BOC: variants seen among roughly 807,000 people sequenced by gnomAD.
BOC encodes the protein brother of CDO.
A neutral mutation model predicts 112.0 loss-of-function variants in BOC; 76 were observed. The observed-to-expected ratio is 0.68, with a 90% CI of 0.56 to 0.82. The LOEUF is 0.82. Ranked by LOEUF, BOC falls within the 40% of genes least tolerant of loss-of-function variation. BOC has a pLI of 0.00. For synonymous variants in BOC, 580 were observed against 599.8 expected (o/e 0.97, Z 0.48); for missense variants, 1,309 against 1,511.7 (o/e 0.87, Z 2.22).
intron 4 of BOC, among the ~76,000 whole-genome samples, chr3:113,259,641 G>A (rs918937980): frequency 1.3e-5 from 2 of 152,116 alleles, no homozygotes; most frequent in African/African-American, 4.8e-5. Context: ...TTGGAGTCTG[G>A]TAATAATCTT....
chr3:113,257,986 G>A (rs138911051), intron 4 of BOC, among the ~76,000 whole-genome samples: 3 of 152,214 alleles, frequency 2.0e-5, no homozygotes, highest in Non-Finnish European at 4.4e-5. Flanking sequence ...AATGGAGAAG[G>A]TGGACTTTGT....
intron 4 of BOC, among the ~76,000 whole-genome samples, chr3:113,263,052 A>C (rs1947065435): frequency 6.6e-6 from 1 of 152,262 alleles, no homozygotes; most frequent in South Asian, 2.1e-4. Flanking sequence ...CATGCCACTG[A>C]GTAGTGCTCC....
In BOC at chr3:113,274,321, C is replaced by G. The variant is rs763887838; in HGVS notation, c.1235-54C>G. ...TGTTTTCTCCCCAGGAACAACAGCT[C>G]AGCAGGTAAACCAGGAGACTAACCT... is the stretch of plus-strand genomic sequence containing the variant. On this transcript the variant is annotated intron_variant, in intron 8 of 19. Coordinates refer to ENST00000682979, the MANE Select transcript of BOC (RefSeq NM_001378074.1). The surrounding 1 kb of genome is among the most constrained non-coding windows in gnomAD (Gnocchi z 4.8). 1.4e-5 allele frequency: 21 copies of G among 1,457,170 alleles called. No individual in the cohort carries two copies. Among genetic ancestry groups the G allele is most frequent in the Non-Finnish European group, 1.5e-5 (17 of 1,100,804 alleles). The allele number at this position is 1,457,170 out of a possible 1,614,324, so 90.3% of individuals were successfully genotyped here. A position where few individuals can be genotyped will look rare whatever the true frequency, so the allele number is the denominator to read the frequency against.
rs747070184 is a variant in BOC at position 113,279,873 on chromosome 3, C to T, written c.2073C>T (p.Ser691=). 21 of 1,613,212 alleles carry T rather than the reference C, an allele frequency of 1.3e-5. No homozygotes were observed. Among genetic ancestry groups the T allele is most frequent in the African/African-American group, 2.7e-5 (2 of 74,876 alleles). Residue 691 remains serine (S), a synonymous_variant, in exon 13 of 20, where the codon AGC becomes AGT. Coordinates refer to ENST00000682979, the MANE Select transcript of BOC (RefSeq NM_001378074.1). ...RVRALNMLGE[S]EPSAPSRPYV... ...GGGCTCTGAACATGCTGGGGGAGAGCGAGCCCAGCGCCCCCTCTCGGCCCT... is the reference window on the plus strand; with the variant it reads ...GGGCTCTGAACATGCTGGGGGAGAGTGAGCCCAGCGCCCCCTCTCGGCCCT...
chr3:113,250,922 T>G (rs992032495), intron 4 of BOC, 89 bp downstream of exon 4: 1 of 1,507,304 alleles, frequency 6.6e-7, no homozygotes, highest in African/African-American at 1.4e-5. Flanking sequence ...CTGCCTCTTG[T>G]TACTCTTAGC....
At chr3:113,245,865 G>C (rs958002965) in intron 2 of BOC, among the ~76,000 whole-genome samples, 7 of 152,344 alleles carry the variant, frequency 4.6e-5, no homozygotes, top group Admixed American at 2.0e-4. Context: ...TTAGATCATA[G>C]AAGCTTCCCT....
intron 2 of BOC, among the ~76,000 whole-genome samples, chr3:113,234,506 A>G (rs979187994): frequency 2.0e-5 from 3 of 152,148 alleles, no homozygotes; most frequent in East Asian, 1.9e-4. Flanking sequence ...ACCTTTCTTG[A>G]GGCCATGCTA....
At chr3:113,214,778 A>C (rs12638736) in intron 1 of BOC, among the ~76,000 whole-genome samples, 1 of 152,206 alleles carries the variant, frequency 6.6e-6, no homozygotes, top group Non-Finnish European at 1.5e-5. Flanking sequence ...ACTTCTTGTC[A>C]TCTCCATACT....
intron 2 of BOC, among the ~76,000 whole-genome samples, chr3:113,220,501 A>C (rs1488851774): frequency 6.6e-6 from 1 of 152,170 alleles, no homozygotes; most frequent in Non-Finnish European, 1.5e-5. Flanking sequence ...AAGCAGTGAA[A>C]TGGGAGAGGC....
Position 113,279,998 on chromosome 3 carries a change from A to G in BOC, c.2198A>G (p.Lys733Arg). Residue 733 changes from lysine to arginine, a missense_variant, in exon 13 of 20, where the codon AAG becomes AGG. Coordinates refer to ENST00000682979, the MANE Select transcript of BOC (RefSeq NM_001378074.1). The part of the protein sequence containing the change: ...DAVNETTIML[K>R]WMYIPASNNN... ...GTCAATGAGACCACCATCATGCTCAAGTGGATGGTAAGCGGGCCTGGCCGT... is the reference window on the plus strand; with the variant it reads ...GTCAATGAGACCACCATCATGCTCAGGTGGATGGTAAGCGGGCCTGGCCGT... 6.2e-7 allele frequency: 1 copy of G among 1,606,880 alleles called. No homozygotes were observed. Among genetic ancestry groups the G allele is most frequent in the Non-Finnish European group, 8.5e-7 (1 of 1,175,874 alleles).
At position 113,285,464 on chromosome 3, in the gene BOC, G is replaced by A. The variant is rs761966089; in HGVS notation, c.3059G>A (p.Cys1020Tyr). 2 of 1,614,100 alleles carry A rather than the reference G, an allele frequency of 1.2e-6. No individual in the cohort carries two copies. Among genetic ancestry groups the A allele is most frequent in the Non-Finnish European group, 1.7e-6 (2 of 1,180,006 alleles). Residue 1020 changes from cysteine (C) to tyrosine (Y), a missense_variant, in exon 19 of 20, where the codon TGC (cysteine) becomes TAC (tyrosine). Physicochemically the swap from Cys to Tyr is radical, Grantham distance 194 (BLOSUM62 -2). Transcript: ENST00000682979. ...HQLLQPHHDC[C>Y]QRQEQPAAVG... Reference sequence around the variant, plus strand: ...CTGCTGCAGCCCCATCACGACTGCTGCCAACGCCAGGAGCAGCCTGCTGCT... The same window carrying A: ...CTGCTGCAGCCCCATCACGACTGCTACCAACGCCAGGAGCAGCCTGCTGCT...
At chr3:113,213,071 A>G (rs1938564534) in intron 1 of BOC, among the ~76,000 whole-genome samples, 1 of 152,190 alleles carries the variant, frequency 6.6e-6, no homozygotes, top group African/African-American at 2.4e-5. Flanking sequence ...TGCTTGGAAC[A>G]GAGTTGTGCT....
upstream of BOC, chr3:113,211,335 G>A (rs1418086794): frequency 6.6e-6 from 1 of 152,294 alleles, no homozygotes; most frequent in Non-Finnish European, 1.5e-5. Flanking sequence ...GAAGTTGGAG[G>A]AGAGCGCGGG....
intron 2 of BOC, among the ~76,000 whole-genome samples, chr3:113,241,201 C>G (rs1216776188): frequency 6.6e-6 from 1 of 152,130 alleles, no homozygotes; most frequent in Admixed American, 6.5e-5. Flanking sequence ...TGAGATAGGG[C>G]TGGAGTGAGG....
intron 2 of BOC, among the ~76,000 whole-genome samples, chr3:113,248,312 T>C (rs755320414): frequency 2.6e-5 from 4 of 152,262 alleles, no homozygotes; most frequent in Non-Finnish European, 5.9e-5. Context: ...CGGCAGTCTC[T>C]GCAGGCAGCC....
At chr3:113,221,580 C>G (rs1431685538) in intron 2 of BOC, among the ~76,000 whole-genome samples, 2 of 152,192 alleles carry the variant, frequency 1.3e-5, no homozygotes, top group African/African-American at 4.8e-5. Flanking sequence ...TTAAATTGGC[C>G]AGTAATATTG....
At chr3:113,243,897 A>C (rs1576392203) in intron 2 of BOC, among the ~76,000 whole-genome samples, 1 of 152,268 alleles carries the variant, frequency 6.6e-6, no homozygotes, top group Non-Finnish European at 1.5e-5. Flanking sequence ...TTACAGGAGA[A>C]TAATCACAAA....
In BOC at chr3:113,284,464, G is replaced by C. The variant is rs781666414; in HGVS notation, c.2786G>C (p.Arg929Pro). 5.2e-5 allele frequency: 84 copies of C among 1,614,110 alleles called. No individual in the cohort carries two copies. The highest frequency in any genetic ancestry group is 6.7e-5 in the Non-Finnish European group (79 of 1,180,052). The stretch of plus-strand genomic sequence containing the variant: ...CCCTACCTCAGTGGCATCAGTGGAC[G>C]GGCCTGTGCTAATGGGATCCACATG... ...GQPYLSGISG[R>P]ACANGIHMNR... Residue 929 changes from arginine (R) to proline (P), a missense_variant, in exon 17 of 20, where the codon CGG becomes CCG. Transcript: ENST00000682979.
chr3:113,228,249 C>G (rs1261653985), intron 2 of BOC, among the ~76,000 whole-genome samples: 1 of 152,106 alleles, frequency 6.6e-6, no homozygotes, highest in Non-Finnish European at 1.5e-5. Context: ...GCGCACCATC[C>G]TGGGGGGACG....
Sources: allele counts gnomAD v4.1 joint callset (sites outside exome capture counted in the v4.1 genomes callset), GRCh38; gene constraint gnomAD v4.1.1; non-coding constraint Gnocchi (gnomAD v3.1); transcripts MANE v1.5; gene names NCBI Gene and HGNC (gene_info 2026-07-23, HGNC 2026-07-21).